The following E2F3 variants were observed in gnomAD, a reference collection of about 807,000 sequenced individuals.
E2F3 encodes the protein E2F transcription factor 3, also known as transcription factor E2F3.
A neutral mutation model predicts 44.4 loss-of-function variants in E2F3; 11 were observed. The ratio of observed to expected loss-of-function variants is 0.25; its 90% CI spans 0.16 to 0.41. The LOEUF is 0.41. E2F3 is among the 10% of genes least tolerant of loss of function. The pLI, the probability that E2F3 is intolerant of heterozygous loss-of-function variation, is 1.00. For missense variants in E2F3, 487 were observed against 583.6 expected (o/e 0.83, Z 1.70); for synonymous variants, 249 against 253.0 (o/e 0.98, Z 0.15).
intron 1 of E2F3, among the ~76,000 whole-genome samples, chr6:20,417,614 A>T (rs1443152232): frequency 2.0e-5 from 3 of 150,966 alleles, no homozygotes; most frequent in Non-Finnish European, 4.4e-5. Context: ...GGCCCAGATC[A>T]GACTGGCAGA....
intron 1 of E2F3, among the ~76,000 whole-genome samples, chr6:20,409,034 C>T (rs1002786121): frequency 6.6e-6 from 1 of 152,178 alleles, no homozygotes; most frequent in African/African-American, 2.4e-5. Flanking sequence ...AAATTACTTG[C>T]CCAAGGTCAC....
intron 1 of E2F3, among the ~76,000 whole-genome samples, chr6:20,411,166 G>A (rs1312167571): frequency 6.6e-6 from 1 of 152,182 alleles, no homozygotes; most frequent in Non-Finnish European, 1.5e-5. Context: ...TTATTTCTGT[G>A]ATTAAATGTA....
intron 1 of E2F3, among the ~76,000 whole-genome samples, chr6:20,461,464 A>G (rs1761507122): frequency 6.6e-6 from 1 of 152,240 alleles, no homozygotes; most frequent in Non-Finnish European, 1.5e-5. Context: ...ACTGCACTCC[A>G]GCCTGGGCGA....
intron 1 of E2F3, among the ~76,000 whole-genome samples, chr6:20,409,774 C>T (rs1759607568): frequency 6.6e-6 from 1 of 152,194 alleles, no homozygotes; most frequent in Non-Finnish European, 1.5e-5. Context: ...TTGCTTCAAG[C>T]CCTGAGGCCT....
At chr6:20,471,706 T>C (rs763826858) in intron 1 of E2F3, among the ~76,000 whole-genome samples, 12 of 152,212 alleles carry the variant, frequency 7.9e-5, no homozygotes, top group East Asian at 3.8e-4. Context: ...CTCCAAGAAG[T>C]AGAAGTGCCA....
chr6:20,466,821 T>A (rs2127611578), intron 1 of E2F3, among the ~76,000 whole-genome samples: 1 of 151,974 alleles, frequency 6.6e-6, no homozygotes, highest in South Asian at 2.1e-4. Flanking sequence ...AGCTGGGATT[T>A]CAGCTGCCTG....
At chr6:20,469,614 A>T (rs1561877149) in intron 1 of E2F3, among the ~76,000 whole-genome samples, 1 of 152,254 alleles carries the variant, frequency 6.6e-6, no homozygotes, top group Non-Finnish European at 1.5e-5. Flanking sequence ...CTTTAGAAAC[A>T]TTCATATATA....
chr6:20,403,482 C>T (rs1279630661), intron 1 of E2F3, among the ~76,000 whole-genome samples: 4 of 152,200 alleles, frequency 2.6e-5, no homozygotes, highest in South Asian at 4.1e-4. Context: ...GGGTTCCCGT[C>T]CCGCCGCCTG....
At chr6:20,462,633 T>C (rs1291441320) in intron 1 of E2F3, among the ~76,000 whole-genome samples, 1 of 151,822 alleles carries the variant, frequency 6.6e-6, no homozygotes, top group African/African-American at 2.4e-5. Context: ...AATTTTTGTA[T>C]TTTTAGTAGA....
At chr6:20,428,651 G>A (rs1475958924) in intron 1 of E2F3, among the ~76,000 whole-genome samples, 2 of 152,274 alleles carry the variant, frequency 1.3e-5, no homozygotes, top group East Asian at 1.9e-4. Context: ...CCTCTGATAC[G>A]TGCTAAGCAA....
chr6:20,413,731 C>A (rs751861036), intron 1 of E2F3, among the ~76,000 whole-genome samples: 1 of 152,162 alleles, frequency 6.6e-6, no homozygotes, highest in African/African-American at 2.4e-5. Context: ...GCCTGAAACA[C>A]AGCTAACCAA....
chr6:20,469,631 T>A (rs900494253), intron 1 of E2F3, among the ~76,000 whole-genome samples: 2 of 152,222 alleles, frequency 1.3e-5, no homozygotes, highest in East Asian at 3.8e-4. Context: ...TATATGTGGT[T>A]AGATCCCCAA....
Position 20,481,239 on chromosome 6 carries a change from A to T in E2F3, c.539A>T (p.Asp180Val). The T allele has an allele frequency of 6.2e-7, 1 of 1,614,110 alleles. No homozygotes were observed. The highest frequency in any genetic ancestry group is 8.5e-7 in the Non-Finnish European group (1 of 1,180,004). Residue 180 changes from aspartate (D) to valine (V), a missense_variant, in exon 3 of 7, where the codon GAT becomes GTT. Physicochemically the swap from Asp to Val is radical, Grantham distance 152. Coordinates refer to ENST00000346618, the MANE Select transcript of E2F3 (RefSeq NM_001949.5). The stretch of plus-strand genomic sequence containing the variant: ...TCTCCCTCAGAAAAAACGCGGTATG[A>T]TACGTCTCTTGGTCTGCTCACCAAG... Reference protein sequence around the residue: ...PKSPSEKTRYDTSLGLLTKKF... With the variant: ...PKSPSEKTRYVTSLGLLTKKF...
At chr6:20,479,250 A>G (rs1762142527) in intron 1 of E2F3, among the ~76,000 whole-genome samples, 1 of 152,240 alleles carries the variant, frequency 6.6e-6, no homozygotes, top group Non-Finnish European at 1.5e-5. Flanking sequence ...TTGAATATAC[A>G]GTATATAGAG....
Position 20,401,983 on chromosome 6 carries a change from G to C in E2F3, c.-250G>C. ...ATCCGTTGCATCGGCCGCCCCCGAC[G>C]CCTCCATCCCCGCTTGGGGCCCGAT... is the stretch of plus-strand genomic sequence containing the variant. On this transcript the variant is annotated 5_prime_UTR_variant, in exon 1 of 7. Transcript: ENST00000346618. 2.1e-6 allele frequency: 1 copy of C among 469,084 alleles called. No homozygotes were observed. The highest frequency in any genetic ancestry group is 6.4e-5 in the South Asian group (1 of 15,714). 29.1% of individuals were successfully genotyped at this position (469,084 alleles called of 1,614,324 possible).
intron 1 of E2F3, among the ~76,000 whole-genome samples, chr6:20,463,068 G>A (rs144708033): frequency 7.8e-4 from 118 of 151,588 alleles, no homozygotes; most frequent in African/African-American, 2.8e-3. Flanking sequence ...GATTACAGGT[G>A]TGCACCACCA....
At chr6:20,464,047 G>A (rs987570209) in intron 1 of E2F3, among the ~76,000 whole-genome samples, 5 of 152,190 alleles carry the variant, frequency 3.3e-5, no homozygotes, top group Non-Finnish European at 2.9e-5. Flanking sequence ...TGCACAGGGC[G>A]AGGTATGGGG....
chr6:20,423,451 C>T (rs1390359920), intron 1 of E2F3, among the ~76,000 whole-genome samples: 2 of 152,196 alleles, frequency 1.3e-5, no homozygotes, highest in Non-Finnish European at 2.9e-5. Flanking sequence ...CATTGTTTGG[C>T]AGATGACTAC....
At chr6:20,476,239 CGGA>C (rs1762040595) in intron 1 of E2F3, among the ~76,000 whole-genome samples, 2 of 152,042 alleles carry the variant, frequency 1.3e-5, no homozygotes. Flanking sequence ...GGCGTGGTGG[CGGA>C]CGCCTGTAGT....
Sources: allele counts gnomAD v4.1 joint callset (sites outside exome capture counted in the v4.1 genomes callset), GRCh38; gene constraint gnomAD v4.1.1; transcripts MANE v1.5; gene names NCBI Gene and HGNC (gene_info 2026-07-23, HGNC 2026-07-21).